Variants in USP15 observed in about 807,000 individuals in gnomAD.
USP15 encodes ubiquitin specific peptidase 15, also known as ubiquitin carboxyl-terminal hydrolase 15.
USP15 carries 18 observed loss-of-function variants against 127.1 expected under a neutral mutation model. That is an observed-to-expected ratio of 0.14 (90% confidence interval 0.10 to 0.21). The LOEUF (loss-of-function observed/expected upper bound fraction) is 0.21. Ranked by LOEUF, USP15 falls within the 10% of genes least tolerant of loss-of-function variation. The pLI is 1.00. For synonymous variants in USP15, 364 were observed against 393.7 expected, an observed-to-expected ratio of 0.92 and a Z score of 0.89; for missense variants, 805 against 1,159.9, an observed-to-expected ratio of 0.69 and a Z score of 4.44.
At chr12:62,327,627 G>C (rs1031784135) in intron 6 of USP15, 1 of 432,588 alleles carries the variant, frequency 2.3e-6, no homozygotes, top group Non-Finnish European at 4.6e-6. Flanking sequence ...CCCAAAAGAT[G>C]ACTAATTTTA....
chr12:62,297,723 G>A (rs1051780280), intron 2 of USP15, among the ~76,000 whole-genome samples: 1 of 152,178 alleles, frequency 6.6e-6, no homozygotes, highest in African/African-American at 2.4e-5. Flanking sequence ...TAAAGACTGG[G>A]AGAGAGGTGG....
intron 8 of USP15, among the ~76,000 whole-genome samples, chr12:62,369,075 C>G (rs1414310244): frequency 6.6e-6 from 1 of 152,042 alleles, no homozygotes; most frequent in Non-Finnish European, 1.5e-5. Context: ...TACTTGTCCT[C>G]TAGAAGTTCA....
chr12:62,318,325 C>T (rs1173044147), intron 4 of USP15, among the ~76,000 whole-genome samples: 2 of 152,316 alleles, frequency 1.3e-5, no homozygotes, highest in Non-Finnish European at 2.9e-5. Context: ...GGTACTACTA[C>T]TGTCATAGTC....
At chr12:62,358,546 C>G (rs1320078648) in intron 8 of USP15, among the ~76,000 whole-genome samples, 4 of 152,180 alleles carry the variant, frequency 2.6e-5, no homozygotes, top group African/African-American at 7.2e-5. Context: ...GAAAGCTCAT[C>G]TCTACTAAAA....
At chr12:62,399,559 G>C (rs947113585) in intron 20 of USP15, among the ~76,000 whole-genome samples, 2 of 151,982 alleles carry the variant, frequency 1.3e-5, no homozygotes, top group Non-Finnish European at 2.9e-5. Context: ...CCATTCTGTC[G>C]CATTCTTCAG....
At chr12:62,307,965 G>A (rs1317359371) in intron 3 of USP15, among the ~76,000 whole-genome samples, 2 of 151,948 alleles carry the variant, frequency 1.3e-5, no homozygotes, top group Non-Finnish European at 2.9e-5. Flanking sequence ...ATAGTATATT[G>A]TTCTAATTGT....
chr12:62,348,492 A>T (rs916434921), intron 6 of USP15, among the ~76,000 whole-genome samples: 2 of 152,288 alleles, frequency 1.3e-5, no homozygotes, highest in Middle Eastern at 3.4e-3. Flanking sequence ...CCTTGCCTAG[A>T]TGTTGCCTAG....
chr12:62,335,429 C>T (rs2137350509), intron 6 of USP15: 4 of 1,378,958 alleles, frequency 2.9e-6, no homozygotes, highest in Non-Finnish European at 2.8e-6. Flanking sequence ...CTGTCGACCA[C>T]ATCCATCCTT....
rs117434068 is a variant in USP15 at position 62,281,602 on chromosome 12, G to A, written c.90-12577G>A. Among the ~76,000 whole-genome samples the A allele has an allele frequency of 7.5e-3, 1,143 of 152,298 alleles. 6 individuals are homozygous for A. Among genetic ancestry groups the A allele is most frequent in the Non-Finnish European group, 0.013 (900 of 68,024 alleles). ...GATCCAGCCATCTTGGCCTCCCACAGTGCTGGGATTACAGGCGTGAGCCAC... is the reference window on the plus strand; with the variant it reads ...GATCCAGCCATCTTGGCCTCCCACAATGCTGGGATTACAGGCGTGAGCCAC... On this transcript the variant is annotated intron_variant, in intron 1 of 21. Transcript: ENST00000280377.
intron 6 of USP15, among the ~76,000 whole-genome samples, chr12:62,328,629 C>T (rs980467354): frequency 1.3e-5 from 2 of 152,110 alleles, no homozygotes; most frequent in Non-Finnish European, 2.9e-5. Context: ...TAAAGCACAT[C>T]AGTGTCTCCT....
intron 1 of USP15, among the ~76,000 whole-genome samples, chr12:62,270,005 A>T (rs1249485992): frequency 6.6e-6 from 1 of 152,094 alleles, no homozygotes; most frequent in African/African-American, 2.4e-5. Context: ...CCAGCAGTGT[A>T]TGAGGGTTCC....
At chr12:62,261,063 TC>T (rs1275748232) in intron 1 of USP15, among the ~76,000 whole-genome samples, 3 of 152,126 alleles carry the variant, frequency 2.0e-5, no homozygotes, top group African/African-American at 7.2e-5. Flanking sequence ...AGTTTCCAGT[TC>T]CTTGTCAAAG....
chr12:62,300,018 T>C (rs1180061168), intron 2 of USP15, among the ~76,000 whole-genome samples: 1 of 152,160 alleles, frequency 6.6e-6, no homozygotes, highest in East Asian at 1.9e-4. Context: ...TTTTTATTGT[T>C]GTATTTTCAG....
intron 1 of USP15, among the ~76,000 whole-genome samples, chr12:62,290,748 T>C (rs2063939583): frequency 6.6e-6 from 1 of 152,216 alleles, no homozygotes; most frequent in African/African-American, 2.4e-5. Context: ...TGGCAAGTAT[T>C]GACCCTTCAT....
rs75672482 is a variant in USP15, at chr12:62,332,936, C to T, written c.683+7003C>T. Among the ~76,000 whole-genome samples the T allele has an allele frequency of 7.0e-3, 1,066 of 152,304 alleles. 9 individuals carry two copies. Among genetic ancestry groups the T allele is most frequent in the African/African-American group, 0.023 (971 of 41,568 alleles). ...AAGAACTTTATAAATAAAACCATTG[C>T]ATACTACTTTTTTGGTTGAGACAGA... On this transcript the variant is annotated intron_variant, in intron 6 of 21. Transcript: ENST00000280377.
Position 62,390,973 on chromosome 12 carries a change from T to C in USP15, c.1954T>C (p.Ser652Pro). ...CCCAAATGGCATACATGAAGAAGGC[T>C]CACCAAGTAAGACTTTTCTGTTAAA... ...NGPNGIHEEG[S>P]PSEMETDEPD... The change falls in exon 15 of 22, where the codon TCA becomes CCA. Residue 652 changes from serine to proline, a missense_variant. Coordinates refer to ENST00000280377, the MANE Select transcript of USP15 (RefSeq NM_001252078.2). 1 of 1,610,000 alleles carries C rather than the reference T, an allele frequency of 6.2e-7. No individual in the cohort carries two copies. The highest frequency in any genetic ancestry group is 8.5e-7 in the Non-Finnish European group (1 of 1,177,730).
chr12:62,344,608 ACT>A (rs1031574397), intron 6 of USP15, among the ~76,000 whole-genome samples: 8 of 151,794 alleles, frequency 5.3e-5, no homozygotes, highest in African/African-American at 1.7e-4. Flanking sequence ...CCCAGTAGGG[ACT>A]CTCTATGGGG....
intron 4 of USP15, among the ~76,000 whole-genome samples, chr12:62,316,491 A>G (rs560074174): frequency 4.6e-5 from 7 of 152,232 alleles, no homozygotes; most frequent in Admixed American, 2.0e-4. Context: ...TATTTTAATC[A>G]TATGAATATG....
intron 8 of USP15, among the ~76,000 whole-genome samples, chr12:62,378,669 A>G (rs1239798580): frequency 6.6e-6 from 1 of 152,198 alleles, no homozygotes; most frequent in African/African-American, 2.4e-5. Flanking sequence ...TACAAAGCAG[A>G]TAGTAGATTG....
Sources: gnomAD v4.1 joint callset for allele counts (sites outside exome capture counted in the v4.1 genomes callset) on GRCh38, gnomAD v4.1.1 for gene constraint, MANE v1.5 for transcripts, NCBI Gene and HGNC (gene_info 2026-07-23, HGNC 2026-07-21) for gene names.